The following PRKCB variants were observed in gnomAD, a reference collection of about 807,000 sequenced individuals.
The protein encoded by PRKCB is protein kinase C beta, also known as protein kinase C beta type.
A neutral mutation model predicts 81.5 loss-of-function variants in PRKCB; 13 were observed. The observed-to-expected ratio is 0.16, with a 90% CI of 0.10 to 0.25. The LOEUF (loss-of-function observed/expected upper bound fraction) is 0.25. Ranked by LOEUF, PRKCB falls within the 10% of genes least tolerant of loss-of-function variation. The pLI, the probability that PRKCB is intolerant of heterozygous loss-of-function variation, is 1.00. For missense variants in PRKCB, 509 were observed against 875.7 expected (o/e 0.58, Z 5.29); for synonymous variants, 335 against 321.4 (o/e 1.04, Z -0.45).
intron 3 of PRKCB, among the ~76,000 whole-genome samples, chr16:24,008,671 C>A (rs565544238): frequency 6.6e-6 from 1 of 152,240 alleles, no homozygotes; most frequent in East Asian, 1.9e-4. Context: ...TCCCCCCACC[C>A]CCAGTGATCT....
chr16:23,858,073 GGT>G, intron 2 of PRKCB, among the ~76,000 whole-genome samples: 1 of 150,648 alleles, frequency 6.6e-6, no homozygotes, highest in East Asian at 1.9e-4. Flanking sequence ...CAGAATTGAT[GGT>G]GACAATGACG....
intron 3 of PRKCB, among the ~76,000 whole-genome samples, chr16:23,989,842 G>T (rs1964856067): frequency 6.6e-6 from 1 of 152,112 alleles, no homozygotes; most frequent in African/African-American, 2.4e-5. Flanking sequence ...GCTTTTCCCG[G>T]CTCTCTTGTA....
rs79955902 is a variant in PRKCB at position 24,160,720 on chromosome 16, T to C, written c.1239+5863T>C. Among the ~76,000 whole-genome samples, 4 of 152,140 alleles carry C rather than the reference T, an allele frequency of 2.6e-5. No homozygotes were observed. The East Asian group carries it at 5.8e-4, about 22-fold the overall frequency. On this transcript the variant is annotated intron_variant, in intron 10 of 16. Transcript: ENST00000643927. Reference sequence around the variant, plus strand: ...AATAAACTATAATAATGACACAAAGTAAAGAGGATGGAGATGGATGGATTG... The same window carrying C: ...AATAAACTATAATAATGACACAAAGCAAAGAGGATGGAGATGGATGGATTG...
intron 3 of PRKCB, among the ~76,000 whole-genome samples, chr16:24,009,424 CTA>C (rs1965171267): frequency 6.8e-6 from 1 of 146,734 alleles, no homozygotes; most frequent in African/African-American, 2.7e-5. Context: ...GTTAGGATGA[CTA>C]TTTTTTTTTT....
chr16:24,065,740 G>A (rs781521372), intron 5 of PRKCB, among the ~76,000 whole-genome samples: 2 of 152,178 alleles, frequency 1.3e-5, no homozygotes, highest in African/African-American at 2.4e-5. Context: ...TGGGCACAGT[G>A]GCACATGCCT....
intron 12 of PRKCB, among the ~76,000 whole-genome samples, chr16:24,179,338 T>C (rs1193735082): frequency 6.6e-6 from 1 of 152,220 alleles, no homozygotes; most frequent in Non-Finnish European, 1.5e-5. Flanking sequence ...CTAAGAAATA[T>C]TAGAATGCTG....
chr16:24,053,864 A>G (rs915551242), intron 5 of PRKCB, among the ~76,000 whole-genome samples: 1 of 152,182 alleles, frequency 6.6e-6, no homozygotes, highest in African/African-American at 2.4e-5. Flanking sequence ...GAGGAAACAG[A>G]GAGGCAGCTG....
chr16:24,051,776 G>A (rs1965846063), intron 5 of PRKCB, among the ~76,000 whole-genome samples: 1 of 152,136 alleles, frequency 6.6e-6, no homozygotes, highest in Admixed American at 6.5e-5. Context: ...CAGCTACTCA[G>A]GAGACTGAGG....
chr16:23,860,448 G>T (rs1187314849), intron 2 of PRKCB, among the ~76,000 whole-genome samples: 1 of 152,194 alleles, frequency 6.6e-6, no homozygotes, highest in Non-Finnish European at 1.5e-5. Context: ...GAAGTCATGA[G>T]AAGTCAGGGA....
At chr16:24,115,851 G>A (rs570213870) in intron 8 of PRKCB, among the ~76,000 whole-genome samples, 1 of 152,078 alleles carries the variant, frequency 6.6e-6, no homozygotes, top group East Asian at 1.9e-4. Context: ...TCAGCCTCCC[G>A]AGTAGCTGGG....
intron 3 of PRKCB, among the ~76,000 whole-genome samples, chr16:23,996,749 C>G (rs1340366070): frequency 6.6e-6 from 1 of 152,214 alleles, no homozygotes; most frequent in Non-Finnish European, 1.5e-5. Context: ...ATGGAATTCA[C>G]TGGTCTTACC....
chr16:24,059,354 A>C (rs531114081), intron 5 of PRKCB, among the ~76,000 whole-genome samples: 3 of 152,162 alleles, frequency 2.0e-5, no homozygotes, highest in Non-Finnish European at 4.4e-5. Flanking sequence ...AGTGAAGGAG[A>C]ATTTAAAAAT....
At chr16:24,094,809 GAGGAAGGAAGGAAGGAAGGA>G (rs71154277) in intron 7 of PRKCB, among the ~76,000 whole-genome samples, 12 of 116,754 alleles carry the variant, frequency 1.0e-4, no homozygotes, top group African/African-American at 2.6e-4. Flanking sequence ...GGAAGGGAGG[GAGGAAGGAAGGAAGGAAGGA>G]AGGAAGGAAG....
chr16:24,010,302 T>C (rs1304804094), intron 3 of PRKCB, among the ~76,000 whole-genome samples: 1 of 152,200 alleles, frequency 6.6e-6, no homozygotes, highest in Non-Finnish European at 1.5e-5. Flanking sequence ...CCCATTTTTT[T>C]CCAGAGAAAT....
chr16:24,008,776 G>A (rs1457920827), intron 3 of PRKCB, among the ~76,000 whole-genome samples: 3 of 152,138 alleles, frequency 2.0e-5, no homozygotes, highest in Non-Finnish European at 4.4e-5. Flanking sequence ...GATGGATGCA[G>A]TACGAGACAG....
intron 7 of PRKCB, among the ~76,000 whole-genome samples, chr16:24,102,616 C>A (rs907515882): frequency 3.9e-5 from 6 of 152,246 alleles, no homozygotes; most frequent in Admixed American, 3.3e-4. Context: ...TCTTGGCCAA[C>A]TGCCCTGTAT....
intron 2 of PRKCB, among the ~76,000 whole-genome samples, chr16:23,857,276 C>T (rs1962584129): frequency 6.6e-6 from 1 of 152,146 alleles, no homozygotes; most frequent in African/African-American, 2.4e-5. Flanking sequence ...AGAACTGTCC[C>T]TCTCCTGCAG....
intron 12 of PRKCB, among the ~76,000 whole-genome samples, chr16:24,178,381 A>G (rs950472907): frequency 6.6e-6 from 1 of 152,234 alleles, no homozygotes; most frequent in African/African-American, 2.4e-5. Flanking sequence ...ACTGTATGTG[A>G]CAGTGAAGAT....
chr16:24,010,143 C>T (rs1965182095), intron 3 of PRKCB, among the ~76,000 whole-genome samples: 1 of 152,144 alleles, frequency 6.6e-6, no homozygotes, highest in Non-Finnish European at 1.5e-5. Flanking sequence ...GCTTCAGAGC[C>T]AGCAGGGGCC....
Sources: gnomAD v4.1 joint callset for allele counts (sites outside exome capture counted in the v4.1 genomes callset) on GRCh38, gnomAD v4.1.1 for gene constraint, MANE v1.5 for transcripts, NCBI Gene and HGNC (gene_info 2026-07-23, HGNC 2026-07-21) for gene names.